The following ZNF804B variants were observed in gnomAD, a reference collection of about 807,000 sequenced individuals.
ZNF804B encodes zinc finger protein 804B.
A neutral mutation model predicts 101.4 loss-of-function variants in ZNF804B; 80 were observed. That is an observed-to-expected ratio of 0.79 (90% confidence interval 0.66 to 0.95). The LOEUF is 0.95. Ranked by LOEUF, ZNF804B falls within the 40% of genes least tolerant of loss-of-function variation. ZNF804B has a pLI of 0.00. For missense variants in ZNF804B, 1,673 were observed against 1,561.9 expected (o/e 1.07, Z -1.20); for synonymous variants, 622 against 558.8 (o/e 1.11, Z -1.59).
At chr7:89,123,848 T>C (rs1790440139) in intron 1 of ZNF804B, among the ~76,000 whole-genome samples, 1 of 152,146 alleles carries the variant, frequency 6.6e-6, no homozygotes, top group East Asian at 1.9e-4. Flanking sequence ...ACTTGGAATA[T>C]TTGTAAGGAT....
intron 1 of ZNF804B, among the ~76,000 whole-genome samples, chr7:88,866,626 C>T (rs367755865): frequency 5.3e-5 from 8 of 152,124 alleles, no homozygotes; most frequent in South Asian, 2.1e-4. Flanking sequence ...TGAACTTTTC[C>T]GCCCAGGTCT....
intron 1 of ZNF804B, among the ~76,000 whole-genome samples, chr7:89,013,322 TA>T (rs11347984): frequency 0.51 from 78,010 of 151,772 alleles, 20,939 homozygotes; most frequent in Middle Eastern, 0.63. Flanking sequence ...GTACTCACTA[TA>T]AAAAAAAATC....
At chr7:89,173,022 A>G (rs143482055) in intron 1 of ZNF804B, among the ~76,000 whole-genome samples, 2 of 152,146 alleles carry the variant, frequency 1.3e-5, no homozygotes, top group Non-Finnish European at 2.9e-5. Flanking sequence ...ATTCAAGGCA[A>G]TGATTACAAT....
At chr7:88,886,133 G>A (rs889628746) in intron 1 of ZNF804B, among the ~76,000 whole-genome samples, 2 of 152,032 alleles carry the variant, frequency 1.3e-5, no homozygotes, top group African/African-American at 4.8e-5. Context: ...ATATTTATAG[G>A]ATCATTAATG....
intron 1 of ZNF804B, chr7:88,794,219 C>A: frequency 6.2e-7 from 1 of 1,612,728 alleles, no homozygotes; most frequent in Non-Finnish European, 8.5e-7. Flanking sequence ...ACCTCAGAAT[C>A]CAGAGTGATG....
chr7:89,213,225 A>G (rs1374378621), intron 1 of ZNF804B, among the ~76,000 whole-genome samples: 1 of 152,162 alleles, frequency 6.6e-6, no homozygotes, highest in Non-Finnish European at 1.5e-5. Context: ...ATGCCAAAAG[A>G]GTGTTCTGAC....
chr7:88,920,221 TA>T (rs1334633097), intron 1 of ZNF804B, among the ~76,000 whole-genome samples: 1 of 152,136 alleles, frequency 6.6e-6, no homozygotes, highest in Admixed American at 6.6e-5. Flanking sequence ...GATTATCATC[TA>T]TGCAATTGTG....
At chr7:89,053,508 T>C (rs996486149) in intron 1 of ZNF804B, among the ~76,000 whole-genome samples, 3 of 152,118 alleles carry the variant, frequency 2.0e-5, no homozygotes, top group Admixed American at 6.6e-5. Context: ...AAAAGTAAAC[T>C]AATTTGCAAC....
At chr7:89,049,571 CA>C (rs1789163694) in intron 1 of ZNF804B, among the ~76,000 whole-genome samples, 1 of 152,058 alleles carries the variant, frequency 6.6e-6, no homozygotes, top group African/African-American at 2.4e-5. Flanking sequence ...TTTACTTCCA[CA>C]ACTTTAGTAC....
chr7:89,203,112 A>T (rs1226226068), intron 1 of ZNF804B, among the ~76,000 whole-genome samples: 1 of 152,122 alleles, frequency 6.6e-6, no homozygotes, highest in African/African-American at 2.4e-5. Context: ...ACCAGTGGTA[A>T]CAGTAAGTAT....
intron 1 of ZNF804B, among the ~76,000 whole-genome samples, chr7:89,077,685 T>A (rs1012126714): frequency 6.6e-6 from 1 of 152,162 alleles, no homozygotes; most frequent in Admixed American, 6.6e-5. Context: ...CAATTACATT[T>A]AAAATGTTGC....
At chr7:89,034,211 T>C (rs1788885867) in intron 1 of ZNF804B, among the ~76,000 whole-genome samples, 1 of 152,158 alleles carries the variant, frequency 6.6e-6, no homozygotes, top group Non-Finnish European at 1.5e-5. Flanking sequence ...TAAAGCAAAG[T>C]CACTGCCATA....
At chr7:89,244,733 A>G (rs145030724) in intron 2 of ZNF804B, among the ~76,000 whole-genome samples, 1 of 152,262 alleles carries the variant, frequency 6.6e-6, no homozygotes, top group East Asian at 1.9e-4. Context: ...TTACATCCTC[A>G]GCTTCAAAGG....
At chr7:89,036,900 A>G (rs1277807889) in intron 1 of ZNF804B, among the ~76,000 whole-genome samples, 1 of 152,142 alleles carries the variant, frequency 6.6e-6, no homozygotes, top group African/African-American at 2.4e-5. Flanking sequence ...ATAAACAGTC[A>G]GAGTTGGCAT....
chr7:89,158,009 T>C (rs1359044037), intron 1 of ZNF804B, among the ~76,000 whole-genome samples: 1 of 152,184 alleles, frequency 6.6e-6, no homozygotes, highest in Non-Finnish European at 1.5e-5. Flanking sequence ...ATTCTTCTAA[T>C]GTTTTGGAAT....
Position 89,164,655 on chromosome 7 carries a change from A to G in ZNF804B, c.109-53500A>G, listed in dbSNP as rs533898014. Among the ~76,000 whole-genome samples, 4 of 152,242 alleles carry G rather than the reference A, an allele frequency of 2.6e-5. No individual in the cohort carries two copies. In the East Asian group the frequency reaches 7.7e-4, roughly 29 times the overall value. On this transcript the variant is annotated intron_variant, in intron 1 of 3. Coordinates refer to ENST00000333190, the MANE Select transcript of ZNF804B (RefSeq NM_181646.5). ...TAAACAATACTGAAAATATGTTCCC[A>G]TGTGTTTACTCAATACCAAACTTAG...
chr7:88,981,055 C>A (rs1485936113), intron 1 of ZNF804B, among the ~76,000 whole-genome samples: 1 of 152,078 alleles, frequency 6.6e-6, no homozygotes, highest in African/African-American at 2.4e-5. Flanking sequence ...CTTCCCTCTT[C>A]TTTCCTCAAA....
At chr7:89,271,011 A>G (rs990600594) in intron 2 of ZNF804B, among the ~76,000 whole-genome samples, 6 of 152,232 alleles carry the variant, frequency 3.9e-5, no homozygotes, top group African/African-American at 1.4e-4. Flanking sequence ...GTCATCTGCA[A>G]ACAGGGACAA....
At chr7:89,157,867 A>G (rs932242532) in intron 1 of ZNF804B, among the ~76,000 whole-genome samples, 1 of 152,212 alleles carries the variant, frequency 6.6e-6, no homozygotes, top group African/African-American at 2.4e-5. Flanking sequence ...AAGTCTGAAA[A>G]TAAGTAATTG....
Sources: allele counts gnomAD v4.1 joint callset (sites outside exome capture counted in the v4.1 genomes callset), GRCh38; gene constraint gnomAD v4.1.1; transcripts MANE v1.5; gene names NCBI Gene and HGNC (gene_info 2026-07-23, HGNC 2026-07-21).